The following PIEZO2 variants were observed in gnomAD, a reference collection of about 807,000 sequenced individuals.
PIEZO2 encodes piezo-type mechanosensitive ion channel component 2.
A neutral mutation model predicts 337.3 loss-of-function variants in PIEZO2; 172 were observed. The observed-to-expected ratio is 0.51, with a 90% CI of 0.45 to 0.58. PIEZO2 has a LOEUF of 0.58. Among genes scored for constraint, PIEZO2 ranks in the 20% least tolerant of loss-of-function variants. The probability of loss-of-function intolerance (pLI) is 0.00; values close to 1 mark genes in which losing one functional copy is unlikely to be tolerated. For synonymous variants in PIEZO2, 1,251 were observed against 1,228.5 expected, an observed-to-expected ratio of 1.02 and a Z score of -0.38; for missense variants, 3,028 against 3,391.3, an observed-to-expected ratio of 0.89 and a Z score of 2.66.
rs540366173 is a variant in PIEZO2, at chr18:10,878,515, T to C, written c.330-7100A>G. On this transcript the variant is annotated intron_variant, in intron 4 of 55. Coordinates refer to ENST00000674853, the MANE Select transcript of PIEZO2 (RefSeq NM_001378183.1). The surrounding 1 kb of genome is among the most constrained non-coding windows in gnomAD (Gnocchi z 4.3). ...ATTTCATTGTCAAAATTGGAAGCTA[T>C]AACTCATTAAAACATATGTTCATAG... 1.4e-3 allele frequency among the ~76,000 whole-genome samples: 207 copies of C among 152,328 alleles called. No homozygotes were observed. Among genetic ancestry groups the C allele is most frequent in the African/African-American group, 4.8e-3 (198 of 41,568 alleles).
intron 3 of PIEZO2, among the ~76,000 whole-genome samples, chr18:10,924,540 C>T (rs1444397361): frequency 6.6e-6 from 1 of 152,112 alleles, no homozygotes; most frequent in African/African-American, 2.4e-5. Context: ...TCCTATGTTG[C>T]GGCCCCACAC....
At chr18:10,689,529 A>C in intron 49 of PIEZO2, 126 bp downstream of exon 49, 2 of 1,244,360 alleles carry the variant, frequency 1.6e-6, no homozygotes, top group Non-Finnish European at 2.3e-6. Context: ...AATCACTGGG[A>C]CATTTATAGG....
In PIEZO2 at chr18:10,861,541, A is replaced by C. The variant is rs142002055; in HGVS notation, c.493-4330T>G. 1.8e-3 allele frequency among the ~76,000 whole-genome samples: 276 copies of C among 152,340 alleles called. 1 individual carries two copies. The highest frequency in any genetic ancestry group is 6.2e-3 in the African/African-American group (257 of 41,582). Reference sequence around the variant, plus strand: ...CGGCATGATCTCACTTATACGTGGAATCTAAAGAAGTTGCACTGATAGAAG... The same window carrying C: ...CGGCATGATCTCACTTATACGTGGACTCTAAAGAAGTTGCACTGATAGAAG... On this transcript the variant is annotated intron_variant, in intron 5 of 55. Coordinates refer to ENST00000674853, the MANE Select transcript of PIEZO2 (RefSeq NM_001378183.1). The surrounding 1 kb of genome is among the most constrained non-coding windows in gnomAD (Gnocchi z 4.3).
chr18:11,130,961 T>A (rs563589138), intron 1 of PIEZO2, among the ~76,000 whole-genome samples: 1 of 152,312 alleles, frequency 6.6e-6, no homozygotes, highest in East Asian at 1.9e-4. Context: ...ACCCAGCAGA[T>A]CCAATGGTGT....
chr18:11,105,455 A>G lies in PIEZO2; in HGVS notation c.65-39233T>C, dbSNP rs1431396338. Among the ~76,000 whole-genome samples the G allele has an allele frequency of 1.3e-5, 2 of 152,150 alleles. No homozygotes were observed. Among genetic ancestry groups the G allele is most frequent in the Non-Finnish European group, 2.9e-5 (2 of 68,038 alleles). ...CACCTCACATCTTCATCCTCACGACACACTTCCACACTTCAAACTACCACG... is the reference window on the plus strand; with the variant it reads ...CACCTCACATCTTCATCCTCACGACGCACTTCCACACTTCAAACTACCACG... On this transcript the variant is annotated intron_variant, in intron 1 of 55. Transcript: ENST00000674853. The surrounding 1 kb of genome is among the most constrained non-coding windows in gnomAD (Gnocchi z 4.3).
intron 3 of PIEZO2, among the ~76,000 whole-genome samples, chr18:10,944,882 G>A (rs1010487101): frequency 1.4e-4 from 22 of 152,116 alleles, no homozygotes; most frequent in Admixed American, 1.2e-3. Flanking sequence ...TGGTTCCTAA[G>A]GGGGGAGAAA....
Position 10,973,025 on chromosome 18 carries a change from A to C in PIEZO2, c.286+6510T>G, listed in dbSNP as rs1431022364. Among the ~76,000 whole-genome samples, 1 of 152,238 alleles carries C rather than the reference A, an allele frequency of 6.6e-6. No individual in the cohort carries two copies. Among genetic ancestry groups the C allele is most frequent in the East Asian group, 1.9e-4 (1 of 5,196 alleles). On this transcript the variant is annotated intron_variant, in intron 3 of 55. Transcript: ENST00000674853. This position sits in a 1 kb window ranked among gnomAD's most constrained non-coding sequence, Gnocchi z 4.9. ...GTAATACGATATGCAACTAGCTCAC[A>C]GTCACCCAAGATCCTAAATTTTCTC...
chr18:10,938,996 A>G (rs959214748), intron 3 of PIEZO2, among the ~76,000 whole-genome samples: 1 of 152,180 alleles, frequency 6.6e-6, no homozygotes, highest in African/African-American at 2.4e-5. Flanking sequence ...CTGAGGCAGG[A>G]GAATCACTTG....
intron 3 of PIEZO2, among the ~76,000 whole-genome samples, chr18:10,967,567 A>G (rs1287297718): frequency 6.6e-6 from 1 of 152,220 alleles, no homozygotes; most frequent in Non-Finnish European, 1.5e-5. Context: ...ATTCCCATCA[A>G]CAGTGTAAAA....
At position 10,945,604 on chromosome 18, in the gene PIEZO2, C is replaced by G. The variant is rs2032978051; in HGVS notation, c.286+33931G>C. ...AATATGTATAGGAATATAAAAATGT[C>G]TAGCACCCAACAAGGTAAAATTCAC... On this transcript the variant is annotated intron_variant, in intron 3 of 55. Transcript: ENST00000674853. This position sits in a 1 kb window ranked among gnomAD's most constrained non-coding sequence, Gnocchi z 4.0. Among the ~76,000 whole-genome samples, 1 of 152,066 alleles carries G rather than the reference C, an allele frequency of 6.6e-6. No individual in the cohort carries two copies. The highest frequency in any genetic ancestry group is 1.5e-5 in the Non-Finnish European group (1 of 68,026).
At chr18:11,055,795 C>T (rs1298239813) in intron 2 of PIEZO2, among the ~76,000 whole-genome samples, 9 of 152,170 alleles carry the variant, frequency 5.9e-5, no homozygotes, top group Admixed American at 3.9e-4. Context: ...CTCTGAGCCG[C>T]GCTGGGCCTG....
At chr18:11,023,807 A>T (rs2036415710) in intron 2 of PIEZO2, among the ~76,000 whole-genome samples, 1 of 152,232 alleles carries the variant, frequency 6.6e-6, no homozygotes, top group Non-Finnish European at 1.5e-5. Flanking sequence ...GAGGCAGCTA[A>T]GGCCCGGCGA....
intron 7 of PIEZO2, among the ~76,000 whole-genome samples, chr18:10,840,626 G>C (rs62085163): frequency 0.079 from 11,990 of 151,314 alleles, 624 homozygotes; most frequent in Non-Finnish European, 0.12. Context: ...ATCCACTTTT[G>C]ACAATAAAAA....
intron 2 of PIEZO2, among the ~76,000 whole-genome samples, chr18:11,019,070 T>G (rs1280746166): frequency 3.3e-5 from 5 of 152,094 alleles, no homozygotes; most frequent in Non-Finnish European, 7.4e-5. Flanking sequence ...GGTTCTTACC[T>G]CCACGATGTA....
In PIEZO2 at chr18:10,766,229, ACAG is replaced by A. The variant is rs954384243; in HGVS notation, c.2947-3134_2947-3132del. ...AGGAAAGAAGAAGAAAGAAGGAGGA[ACAG>A]GAGGAGGAGGAGGGATAAGGAAGAA... On this transcript the variant is annotated intron_variant, in intron 21 of 55. Transcript: ENST00000674853. The surrounding 1 kb of genome is among the most constrained non-coding windows in gnomAD (Gnocchi z 6.1). 6.0e-4 allele frequency among the ~76,000 whole-genome samples: 61 copies of A among 101,846 alleles called. No individual in the cohort carries two copies. Among genetic ancestry groups the A allele is most frequent in the Non-Finnish European group, 1.1e-3 (54 of 50,034 alleles). The allele number at this position is 101,846 out of a possible 152,430, so 66.8% of individuals were successfully genotyped here.
At chr18:10,740,711 C>A (rs1307144589) in intron 33 of PIEZO2, 12 of 482,210 alleles carry the variant, frequency 2.5e-5, no homozygotes, top group Non-Finnish European at 1.5e-5. Flanking sequence ...GGGCTCTCGA[C>A]CTCAGAATTG....
chr18:10,991,056 T>A (rs778373915), intron 2 of PIEZO2, among the ~76,000 whole-genome samples: 1 of 151,760 alleles, frequency 6.6e-6, no homozygotes, highest in Non-Finnish European at 1.5e-5. Flanking sequence ...CCGAGGAGAT[T>A]GTAAAGAATT....
At chr18:10,769,997 G>A (rs1297327010) in intron 21 of PIEZO2, 151 bp downstream of exon 21, 25 of 787,356 alleles carry the variant, frequency 3.2e-5, no homozygotes, top group Middle Eastern at 3.2e-4. Context: ...GCTGACCCTC[G>A]GATTTCTGTA....
chr18:10,933,238 T>C (rs951634909), intron 3 of PIEZO2, among the ~76,000 whole-genome samples: 7 of 152,322 alleles, frequency 4.6e-5, no homozygotes, highest in South Asian at 2.1e-4. Context: ...AGCTTTTTCC[T>C]TAACTTACAT....
Sources: gnomAD v4.1 joint callset for allele counts (sites outside exome capture counted in the v4.1 genomes callset) on GRCh38, gnomAD v4.1.1 for gene constraint, Gnocchi (gnomAD v3.1) non-coding constraint, MANE v1.5 for transcripts, NCBI Gene and HGNC (gene_info 2026-07-23, HGNC 2026-07-21) for gene names.